The following CAMTA1 variants were observed in gnomAD, a reference collection of about 807,000 sequenced individuals.
CAMTA1 encodes calmodulin binding transcription activator 1, also known as calmodulin-binding transcription activator 1.
Under a neutral mutation model 170.9 loss-of-function variants are expected in CAMTA1, and 27 were observed. The observed-to-expected ratio is 0.16, with a 90% CI of 0.12 to 0.22. CAMTA1 has a LOEUF of 0.22. CAMTA1 is among the 10% of genes least tolerant of loss of function. The pLI is 1.00. For synonymous variants in CAMTA1, 833 were observed against 891.5 expected, an observed-to-expected ratio of 0.93 and a Z score of 1.17; for missense variants, 1,619 against 2,217.2, an observed-to-expected ratio of 0.73 and a Z score of 5.42.
Position 7,736,298 on chromosome 1 carries a change from G to T in CAMTA1, c.3067-46G>T. 1 of 1,553,258 alleles carries T rather than the reference G, an allele frequency of 6.4e-7. No individual in the cohort carries two copies. Among genetic ancestry groups the T allele is most frequent in the Non-Finnish European group, 8.8e-7 (1 of 1,132,844 alleles). On this transcript the variant is annotated intron_variant, in intron 12 of 22. Transcript: ENST00000303635. This position sits in a 1 kb window ranked among gnomAD's most constrained non-coding sequence, Gnocchi z 4.5. ...CCTACATCGAAGCGCTGATGGGGTC[G>T]AGGGCCTTTAGTCCTGAGGTCGTAA... is the stretch of plus-strand genomic sequence containing the variant.
intron 14 of CAMTA1, 23 bp downstream of exon 14, chr1:7,737,032 C>G (rs200902597): frequency 4.5e-5 from 71 of 1,566,228 alleles, no homozygotes; most frequent in Non-Finnish European, 4.1e-5. Context: ...TTCCTGTAGC[C>G]CCCCCTTGCT....
intron 3 of CAMTA1, among the ~76,000 whole-genome samples, chr1:6,830,107 G>A (rs1267028678): frequency 1.3e-5 from 2 of 151,276 alleles, no homozygotes; most frequent in South Asian, 2.1e-4. Flanking sequence ...CGCGATCTCC[G>A]CTCACTGCAA....
rs182472585 is a variant in CAMTA1 at position 7,480,242 on chromosome 1, C to T, written c.510+12341C>T. Among the ~76,000 whole-genome samples, 9 of 88,120 alleles carry T rather than the reference C, an allele frequency of 1.0e-4. 1 individual carries two copies. The highest frequency in any genetic ancestry group is 3.7e-4 in the African/African-American group (6 of 16,394). 57.8% of individuals were successfully genotyped at this position (88,120 alleles called of 152,430 possible). ...GTACGTGTGTGTGAGTGCATGTGTCCGTGTGTGTGCATGTGTGTATGTGTG... is the reference window on the plus strand; with the variant it reads ...GTACGTGTGTGTGAGTGCATGTGTCTGTGTGTGTGCATGTGTGTATGTGTG... On this transcript the variant is annotated intron_variant, in intron 6 of 22. Coordinates refer to ENST00000303635, the MANE Select transcript of CAMTA1 (RefSeq NM_015215.4).
At chr1:7,294,849 C>G (rs1469554719) in intron 5 of CAMTA1, among the ~76,000 whole-genome samples, 1 of 88 alleles carries the variant, frequency 0.011, no homozygotes, top group East Asian at 0.5. Flanking sequence ...AAATGGCCTC[C>G]AAGGCAAGGC....
chr1:7,318,713 A>G (rs56322948), intron 5 of CAMTA1, among the ~76,000 whole-genome samples: 2,075 of 152,308 alleles, frequency 0.014, 27 homozygotes, highest in Middle Eastern at 0.027. Context: ...CCTTCTCTGC[A>G]ATCAGACGAG....
At chr1:7,649,453 G>C (rs1280562258) in intron 7 of CAMTA1, among the ~76,000 whole-genome samples, 1 of 152,204 alleles carries the variant, frequency 6.6e-6, no homozygotes, top group Non-Finnish European at 1.5e-5. Flanking sequence ...CAGGTTCCTG[G>C]AATCTCCAGG....
intron 3 of CAMTA1, among the ~76,000 whole-genome samples, chr1:6,925,872 C>T (rs1682982126): frequency 6.6e-6 from 1 of 152,194 alleles, no homozygotes; most frequent in Non-Finnish European, 1.5e-5. Flanking sequence ...CACCAGGAGG[C>T]AGGGTAGTAG....
rs915459765 is a variant in CAMTA1, at chr1:7,674,506, C to T, written c.2780-3093C>T. The stretch of plus-strand genomic sequence containing the variant: ...TGAAATTCAAAATGAAAGCCAGGCA[C>T]AGTGGCTCATGCCTGTAATCCTAGC... On this transcript the variant is annotated intron_variant, in intron 10 of 22. Transcript: ENST00000303635. This position sits in a 1 kb window ranked among gnomAD's most constrained non-coding sequence, Gnocchi z 4.1. 1.3e-5 allele frequency among the ~76,000 whole-genome samples: 2 copies of T among 152,190 alleles called. No individual in the cohort carries two copies. The highest frequency in any genetic ancestry group is 2.9e-5 in the Non-Finnish European group (2 of 68,034).
In CAMTA1 at chr1:7,314,858, T is replaced by C. The variant is rs1199353336; in HGVS notation, c.438+65232T>C. Among the ~76,000 whole-genome samples the C allele has an allele frequency of 4.6e-5, 7 of 152,228 alleles. 1 individual carries two copies. The highest frequency in any genetic ancestry group is 1.0e-4 in the Non-Finnish European group (7 of 68,032). ...AGTACTTTGCTGTGCATCTGAGATC[T>C]GGCAGAAACAGCCTCTGACCACCAG... On this transcript the variant is annotated intron_variant, in intron 5 of 22. Coordinates refer to ENST00000303635, the MANE Select transcript of CAMTA1 (RefSeq NM_015215.4).
At position 7,547,406 on chromosome 1, in the gene CAMTA1, A is replaced by G. The variant is rs2094711553; in HGVS notation, c.510+79505A>G. Among the ~76,000 whole-genome samples, 1 of 151,620 alleles carries G rather than the reference A, an allele frequency of 6.6e-6. No homozygotes were observed. Among genetic ancestry groups the G allele is most frequent in the South Asian group, 2.1e-4 (1 of 4,810 alleles). On this transcript the variant is annotated intron_variant, in intron 6 of 22. Coordinates refer to ENST00000303635, the MANE Select transcript of CAMTA1 (RefSeq NM_015215.4). The surrounding 1 kb of genome is among the most constrained non-coding windows in gnomAD (Gnocchi z 5.7). ...CACACACACAGAGTTGGCCTTCCACATTCATGAGTTTCGCATCCGTGGATT... is the reference window on the plus strand; with the variant it reads ...CACACACACAGAGTTGGCCTTCCACGTTCATGAGTTTCGCATCCGTGGATT...
At chr1:7,517,669 G>A (rs1036369991) in intron 6 of CAMTA1, among the ~76,000 whole-genome samples, 1 of 151,302 alleles carries the variant, frequency 6.6e-6, no homozygotes, top group Non-Finnish European at 1.5e-5. Flanking sequence ...GGGGCTGACG[G>A]CTGGGGCTTA....
rs775615489 is a variant in CAMTA1 at position 7,249,651 on chromosome 1, G to A, written c.438+25G>A. On this transcript the variant is annotated intron_variant, in intron 5 of 22. Coordinates refer to ENST00000303635, the MANE Select transcript of CAMTA1 (RefSeq NM_015215.4). This position sits in a 1 kb window ranked among gnomAD's most constrained non-coding sequence, Gnocchi z 4.4. ...GGTAAACAGCAGAAAAGGTTCCCTT[G>A]GTGCACAAATGTCATTTGCAGGCTG... 2 of 1,610,726 alleles carry A rather than the reference G, an allele frequency of 1.2e-6. No homozygotes were observed. The highest frequency in any genetic ancestry group is 1.7e-5 in the Admixed American group (1 of 59,628).
chr1:6,787,992 C>T (rs1639905048), intron 1 of CAMTA1, among the ~76,000 whole-genome samples: 1 of 152,106 alleles, frequency 6.6e-6, no homozygotes, highest in Admixed American at 6.5e-5. Context: ...GTATTTTGGC[C>T]ATTTAAATAA....
intron 11 of CAMTA1, chr1:7,698,155 A>T (rs897259287): frequency 2.0e-5 from 3 of 149,498 alleles, no homozygotes; most frequent in African/African-American, 7.3e-5. Flanking sequence ...GGATTTTTAA[A>T]GAATTATGTT....
chr1:7,766,041 A>AAAAC (rs1553290003), intron 22 of CAMTA1, among the ~76,000 whole-genome samples: 27 of 147,490 alleles, frequency 1.8e-4, no homozygotes, highest in African/African-American at 6.5e-4. Context: ...AAAAAAAAAA[A>AAAAC]AAAACTAAAT....
chr1:7,429,410 T>G (rs1357098884), intron 5 of CAMTA1, among the ~76,000 whole-genome samples: 1 of 152,112 alleles, frequency 6.6e-6, no homozygotes, highest in Non-Finnish European at 1.5e-5. Context: ...ATGGTGATCA[T>G]GATGGTGGTG....
At chr1:7,696,775 G>A (rs1315447046) in intron 11 of CAMTA1, among the ~76,000 whole-genome samples, 4 of 152,116 alleles carry the variant, frequency 2.6e-5, no homozygotes, top group Non-Finnish European at 5.9e-5. Flanking sequence ...GAGAAGGGTT[G>A]GACCCTGCAC....
intron 5 of CAMTA1, among the ~76,000 whole-genome samples, chr1:7,467,493 A>G (rs1227932699): frequency 1.3e-5 from 2 of 152,230 alleles, no homozygotes; most frequent in Non-Finnish European, 2.9e-5. Context: ...TGAACTACAG[A>G]GTAACTCCAA....
intron 11 of CAMTA1, among the ~76,000 whole-genome samples, chr1:7,711,713 T>G (rs1175668143): frequency 6.6e-6 from 1 of 152,234 alleles, no homozygotes; most frequent in Non-Finnish European, 1.5e-5. Flanking sequence ...AAGAATTTAT[T>G]TAAATATCCT....
Sources: allele counts gnomAD v4.1 joint callset (sites outside exome capture counted in the v4.1 genomes callset), GRCh38; gene constraint gnomAD v4.1.1; non-coding constraint Gnocchi (gnomAD v3.1); transcripts MANE v1.5; gene names NCBI Gene and HGNC (gene_info 2026-07-23, HGNC 2026-07-21).